Variants in ASAP2 observed in about 807,000 individuals in gnomAD.
ASAP2 encodes the protein arf-GAP with SH3 domain, ANK repeat and PH domain-containing protein 2.
A neutral mutation model predicts 131.4 loss-of-function variants in ASAP2; 45 were observed. The ratio of observed to expected loss-of-function variants is 0.34; its 90% CI spans 0.27 to 0.44. The LOEUF (loss-of-function observed/expected upper bound fraction) is 0.44. Among genes scored for constraint, ASAP2 ranks in the 20% least tolerant of loss-of-function variants. ASAP2 has a pLI of 1.00. For synonymous variants in ASAP2, 510 were observed against 503.0 expected (o/e 1.01, Z -0.19); for missense variants, 1,011 against 1,297.0 (o/e 0.78, Z 3.39).
At chr2:9,335,821 T>A (rs566636836) in intron 9 of ASAP2, among the ~76,000 whole-genome samples, 2 of 152,338 alleles carry the variant, frequency 1.3e-5, no homozygotes, top group African/African-American at 4.8e-5. Context: ...ACAATGTGGG[T>A]ATCATAATGT....
At chr2:9,210,885 G>GT (rs1331278975) in intron 1 of ASAP2, among the ~76,000 whole-genome samples, 1 of 151,782 alleles carries the variant, frequency 6.6e-6, no homozygotes, top group African/African-American at 2.4e-5. Context: ...GCCAGGTGCG[G>GT]TGGCTCACGC....
At chr2:9,351,029 C>G in intron 12 of ASAP2, 134 bp downstream of exon 12, 1 of 631,534 alleles carries the variant, frequency 1.6e-6, no homozygotes, top group Admixed American at 3.2e-5. Context: ...TAGTGATATG[C>G]GTGCTTTGTG....
intron 5 of ASAP2, 72 bp from the exon 6 acceptor site, chr2:9,323,049 G>T: frequency 1.3e-6 from 2 of 1,587,470 alleles, no homozygotes; most frequent in Non-Finnish European, 8.6e-7. Context: ...TGGGTACTGG[G>T]GTGGCTTCAA....
At chr2:9,322,996 C>T in intron 5 of ASAP2, 125 bp from the exon 6 acceptor site, 1 of 1,160,776 alleles carries the variant, frequency 8.6e-7, no homozygotes, top group Non-Finnish European at 1.2e-6. Flanking sequence ...AGTTGAGAGG[C>T]TGCCTGTGCT....
chr2:9,304,650 G>A (rs1366833050), intron 3 of ASAP2, among the ~76,000 whole-genome samples: 1 of 148,960 alleles, frequency 6.7e-6, no homozygotes, highest in Non-Finnish European at 1.5e-5. Context: ...TGGTGGAGGG[G>A]TTGTAGTATT....
chr2:9,308,397 G>T (rs904533321), intron 3 of ASAP2, among the ~76,000 whole-genome samples: 2 of 152,194 alleles, frequency 1.3e-5, no homozygotes, highest in Admixed American at 1.3e-4. Context: ...CTTCACCCCC[G>T]TGATTGAGTC....
Position 9,207,851 on chromosome 2 carries a change from C to CGGTT in ASAP2, c.126+622_126+625dup, listed in dbSNP as rs1238921607. On this transcript the variant is annotated intron_variant, in intron 1 of 27. Transcript: ENST00000281419. This position sits in a 1 kb window ranked among gnomAD's most constrained non-coding sequence, Gnocchi z 4.1. ...CAAGAAGCCTCCAGGAGCCGCTCCC[C>CGGTT]GGTTACCTGGGTCTCACCTGCTTGA... 6.6e-6 allele frequency among the ~76,000 whole-genome samples: 1 copy of CGGTT among 152,184 alleles called. No homozygotes were observed. The highest frequency in any genetic ancestry group is 1.5e-5 in the Non-Finnish European group (1 of 68,024).
rs115781433 is a variant in ASAP2 at position 9,307,870 on chromosome 2, G to A, written c.345+10425G>A. Among the ~76,000 whole-genome samples, 989 of 152,328 alleles carry A rather than the reference G, an allele frequency of 6.5e-3. 14 individuals are homozygous for A. Among genetic ancestry groups the A allele is most frequent in the African/African-American group, 0.023 (949 of 41,568 alleles). ...AATTAAACAGCGACTGTGCTGCCAG[G>A]GACGGGCTGGGCGCATCTGTTCAGG... On this transcript the variant is annotated intron_variant, in intron 3 of 27. Transcript: ENST00000281419.
In ASAP2 at chr2:9,323,220, G is replaced by A; in HGVS notation, c.570G>A (p.Glu190=). 1 of 1,614,274 alleles carries A rather than the reference G, an allele frequency of 6.2e-7. No individual in the cohort carries two copies. The highest frequency in any genetic ancestry group is 1.3e-5 in the African/African-American group (1 of 75,080). The change falls in exon 6 of 28, where the codon GAG becomes GAA. Residue 190 remains glutamate, a synonymous_variant. Transcript: ENST00000281419. ...AAATTGCCGAAGAGATGGAAAAGGAGAGGCGCTTCTTCCAGCTACAGATGT... is the reference window on the plus strand; with the variant it reads ...AAATTGCCGAAGAGATGGAAAAGGAAAGGCGCTTCTTCCAGCTACAGATGT... ...GAEIAEEMEK[E]RRFFQLQMCE...
intron 1 of ASAP2, among the ~76,000 whole-genome samples, chr2:9,211,324 TA>T (rs2147931518): frequency 6.6e-6 from 1 of 152,258 alleles, no homozygotes; most frequent in African/African-American, 2.4e-5. Context: ...CTTTTGGAAA[TA>T]ATGGAAAAAA....
rs768408338 is a variant in ASAP2 at position 9,320,280 on chromosome 2, G to C, written c.421-8G>C. On this transcript the variant is annotated splice_polypyrimidine_tract_variant and splice_region_variant and intron_variant, in intron 4 of 27. Transcript: ENST00000281419. ...AGTCTTGCCTAATTTATTATTCTTT[G>C]TTTACAGGATCTGAAAAAGCCTTTT... The C allele has an allele frequency of 1.2e-6, 2 of 1,607,088 alleles. No homozygotes were observed. Among genetic ancestry groups the C allele is most frequent in the Admixed American group, 1.7e-5 (1 of 59,510 alleles).
intron 1 of ASAP2, among the ~76,000 whole-genome samples, chr2:9,218,260 A>G (rs1662191230): frequency 6.6e-6 from 1 of 152,222 alleles, no homozygotes. Flanking sequence ...GATCACCTGC[A>G]GTCCCCATTG....
chr2:9,207,063 G>GGCGCCCCTGCGGCTGTGCGCCA lies in ASAP2; in HGVS notation c.-35_-14dup. 3.4e-6 allele frequency: 5 copies of GGCGCCCCTGCGGCTGTGCGCCA among 1,461,148 alleles called. No individual in the cohort carries two copies. Among genetic ancestry groups the GGCGCCCCTGCGGCTGTGCGCCA allele is most frequent in the Non-Finnish European group, 4.5e-6 (5 of 1,099,204 alleles). 90.5% of individuals were successfully genotyped at this position (1,461,148 alleles called of 1,614,324 possible). A position where few individuals can be genotyped will look rare whatever the true frequency, so the allele number is the denominator to read the frequency against. ...AGCCTGCTGCGGCAGTTGAGGCGGC[G>GGCGCCCCTGCGGCTGTGCGCCA]GCGCCCCTGCGGCTGTGCGCCAGCG... On this transcript the variant is annotated 5_prime_UTR_variant, in exon 1 of 28. Transcript: ENST00000281419. The surrounding 1 kb of genome is among the most constrained non-coding windows in gnomAD (Gnocchi z 4.1).
At chr2:9,351,398 C>T (rs569545688) in intron 12 of ASAP2, among the ~76,000 whole-genome samples, 11 of 152,140 alleles carry the variant, frequency 7.2e-5, no homozygotes, top group Non-Finnish European at 8.8e-5. Context: ...CTTTTTGTGG[C>T]GTTCACAAAA....
At chr2:9,219,105 G>A (rs564384986) in intron 1 of ASAP2, among the ~76,000 whole-genome samples, 1 of 152,312 alleles carries the variant, frequency 6.6e-6, no homozygotes, top group Admixed American at 6.5e-5. Context: ...TTGCTTCTCT[G>A]GTGAAAAGCA....
intron 1 of ASAP2, among the ~76,000 whole-genome samples, chr2:9,276,209 A>G (rs1666748753): frequency 6.6e-6 from 1 of 152,234 alleles, no homozygotes; most frequent in African/African-American, 2.4e-5. Flanking sequence ...TGCTAAGCAC[A>G]GGGCATTATG....
intron 12 of ASAP2, among the ~76,000 whole-genome samples, chr2:9,354,470 C>A (rs1672556108): frequency 6.6e-6 from 1 of 152,074 alleles, no homozygotes; most frequent in African/African-American, 2.4e-5. Context: ...GCAGTTTTTA[C>A]ACGTCAGAAT....
intron 1 of ASAP2, among the ~76,000 whole-genome samples, chr2:9,229,610 C>T (rs765982642): frequency 3.9e-5 from 6 of 152,190 alleles, no homozygotes; most frequent in African/African-American, 7.2e-5. Context: ...GAATCTCAGT[C>T]GAGCCTGGAA....
chr2:9,363,908 A>G lies in ASAP2; in HGVS notation c.1462-4517A>G, dbSNP rs933056462. 4.6e-5 allele frequency among the ~76,000 whole-genome samples: 7 copies of G among 152,176 alleles called. 1 individual carries two copies. Among genetic ancestry groups the G allele is most frequent in the African/African-American group, 1.7e-4 (7 of 41,450 alleles). Reference sequence around the variant, plus strand: ...TTTTCCAATGGAATGGAAGTTGCATAATTGAATTATTAATTAGTTCTGGGG... The same window carrying G: ...TTTTCCAATGGAATGGAAGTTGCATGATTGAATTATTAATTAGTTCTGGGG... On this transcript the variant is annotated intron_variant, in intron 15 of 27. Coordinates refer to ENST00000281419, the MANE Select transcript of ASAP2 (RefSeq NM_003887.3).
Sources: allele counts gnomAD v4.1 joint callset (sites outside exome capture counted in the v4.1 genomes callset), GRCh38; gene constraint gnomAD v4.1.1; non-coding constraint Gnocchi (gnomAD v3.1); transcripts MANE v1.5; gene names NCBI Gene and HGNC (gene_info 2026-07-23, HGNC 2026-07-21).